Variants in COL12A1 observed in about 807,000 individuals in gnomAD.
The protein encoded by COL12A1 is collagen alpha-1(XII) chain.
Under a neutral mutation model 349.7 loss-of-function variants are expected in COL12A1, and 114 were observed. That is an observed-to-expected ratio of 0.33 (90% CI 0.28 to 0.38). The LOEUF (loss-of-function observed/expected upper bound fraction) is 0.38. Ranked by LOEUF, COL12A1 falls within the 10% of genes least tolerant of loss-of-function variation. COL12A1 has a pLI of 1.00. For synonymous variants in COL12A1, 1,369 were observed against 1,329.0 expected (o/e 1.03, Z -0.66); for missense variants, 3,284 against 3,756.9 (o/e 0.87, Z 3.29).
At chr6:75,136,715 C>CA (rs1352696361) in intron 31 of COL12A1, among the ~76,000 whole-genome samples, 5 of 152,160 alleles carry the variant, frequency 3.3e-5, no homozygotes, top group Admixed American at 2.0e-4. Flanking sequence ...ATGTAAAAAT[C>CA]ATGAGGCTTC....
rs777425494 is a variant in COL12A1, at chr6:75,087,650, T to C, written c.9108A>G (p.Gly3036=). 2.5e-6 allele frequency: 4 copies of C among 1,610,472 alleles called. No individual in the cohort carries two copies. The highest frequency in any genetic ancestry group is 3.4e-5 in the Admixed American group (2 of 59,108). ...PGRPGNSGIR[G]PPGPPGYCDS... is the part of the protein sequence containing the mutation. ...CACAGTATCCAGGAGGACCTGGGGG[T>C]CCTCGGATACCTGAGTTTCCAGGAC... Residue 3036 remains glycine (G), a synonymous_variant, in exon 65 of 66, where the codon GGA becomes GGG. Transcript: ENST00000322507.
rs201343487 is a variant in COL12A1, at chr6:75,194,903, T to C, written c.118A>G (p.Thr40Ala). Residue 40 changes from threonine (T) to alanine (A), a missense_variant, in exon 3 of 66, where the codon ACT becomes GCT. Around this residue, in one of 2 missense-constraint regions of COL12A1, gnomAD observed 2,601 missense variants for 2,824.8 expected, o/e 0.92. Transcript: ENST00000322507. ...GGTTTTGCCCATGACATATGAACAG[T>C]ATTTTCATCTATAATTTTAAAATTC... ...DLNFKIIDEN[T>A]VHMSWAKPVD... The C allele has an allele frequency of 2.7e-5, 44 of 1,609,754 alleles. No individual in the cohort carries two copies. In the Admixed American group the frequency reaches 7.4e-4, roughly 27 times the overall value.
Position 75,087,690 on chromosome 6 carries a change from G to C in COL12A1, c.9068C>G (p.Pro3023Arg). ...GTTTCCAGGACGGCCAGGGGGGCCA[G>C]GGGGACCTCTTGAACCTGTGGACCC... Reference protein sequence around the residue: ...PPGSTGSRGPPGPPGRPGNSG... With the variant: ...PPGSTGSRGPRGPPGRPGNSG... Residue 3023 changes from proline to arginine, a missense_variant, in exon 65 of 66, where the codon CCT becomes CGT. By Grantham distance (103) the Pro-to-Arg change is moderately radical. This residue lies in a region of COL12A1 where 683 missense variants were observed against 932.1 expected (regional missense o/e 0.73). Coordinates refer to ENST00000322507, the MANE Select transcript of COL12A1 (RefSeq NM_004370.6). The C allele has an allele frequency of 6.2e-7, 1 of 1,610,290 alleles. No individual in the cohort carries two copies. Among genetic ancestry groups the C allele is most frequent in the Non-Finnish European group, 8.5e-7 (1 of 1,178,816 alleles).
intron 20 of COL12A1, 82 bp downstream of exon 20, chr6:75,151,785 T>C: frequency 7.3e-7 from 1 of 1,365,370 alleles, no homozygotes; most frequent in Non-Finnish European, 9.9e-7. Flanking sequence ...TTTTTCATGC[T>C]TCAGATAAAA....
At chr6:75,166,136 TG>T (rs1327556652) in intron 13 of COL12A1, among the ~76,000 whole-genome samples, 1 of 152,206 alleles carries the variant, frequency 6.6e-6, no homozygotes, top group African/African-American at 2.4e-5. Context: ...ATCACATTTT[TG>T]TCTGCCTTGT....
chr6:75,196,655 C>T (rs965575228), intron 2 of COL12A1, among the ~76,000 whole-genome samples: 1 of 152,114 alleles, frequency 6.6e-6, no homozygotes, highest in African/African-American at 2.4e-5. Flanking sequence ...AACATGCATG[C>T]AACAGATGTT....
rs1769811477 is a variant in COL12A1 at position 75,189,482 on chromosome 6, C to T, written c.658+70G>A. 14 of 1,576,646 alleles carry T rather than the reference C, an allele frequency of 8.9e-6. No individual in the cohort carries two copies. In the South Asian group the frequency reaches 1.5e-4, roughly 17 times the overall value. ...TCAAAAATATTTAATATGTAATAGG[C>T]AATGCATCATTTCTTTCTGAAACAG... On this transcript the variant is annotated intron_variant, in intron 6 of 65. Coordinates refer to ENST00000322507, the MANE Select transcript of COL12A1 (RefSeq NM_004370.6).
Position 75,128,389 on chromosome 6 carries a change from G to A in COL12A1, c.6247C>T (p.Gln2083Ter). 2 of 1,608,092 alleles carry A rather than the reference G, an allele frequency of 1.2e-6. No homozygotes were observed. Among genetic ancestry groups the A allele is most frequent in the African/African-American group, 1.3e-5 (1 of 74,754 alleles). ...VPGRRNNVIL[Q>*]PLQPDTPYKI... Reference sequence around the variant, plus strand: ...TATGGAGTGTCAGGTTGCAGGGGCTGCAGTATTACATTGTTTCTTCTGCCT... The same window carrying A: ...TATGGAGTGTCAGGTTGCAGGGGCTACAGTATTACATTGTTTCTTCTGCCT... Residue 2083 changes from glutamine to a stop codon, truncating the protein, a stop_gained, in exon 38 of 66, where the codon CAG (glutamine) becomes TAG (stop). Transcript: ENST00000322507. LOFTEE classifies it high-confidence loss of function.
At chr6:75,121,780 A>G (rs1353642136) in intron 43 of COL12A1, among the ~76,000 whole-genome samples, 1 of 152,254 alleles carries the variant, frequency 6.6e-6, no homozygotes, top group Non-Finnish European at 1.5e-5. Flanking sequence ...TTTGAACAAT[A>G]AATGAGAGGA....
intron 39 of COL12A1, 108 bp downstream of exon 39, chr6:75,126,243 T>C (rs1766007635): frequency 4.7e-6 from 6 of 1,274,960 alleles, no homozygotes; most frequent in Non-Finnish European, 6.3e-6. Flanking sequence ...AAACTTGGTG[T>C]GATCTGAACT....
rs958792637 is a variant in COL12A1 at position 75,173,956 on chromosome 6, C to A, written c.2710+1082G>T. ...AGCTATTGCTGATAGTCCATGTAGG[C>A]CCCCAGTTATAGGACTGAGTCAACA... On this transcript the variant is annotated intron_variant, in intron 13 of 65. Transcript: ENST00000322507. Among the ~76,000 whole-genome samples, 2 of 152,104 alleles carry A rather than the reference C, an allele frequency of 1.3e-5. 1 individual carries two copies. The highest frequency in any genetic ancestry group is 4.1e-4 in the South Asian group (2 of 4,830).
chr6:75,097,428 G>A, intron 58 of COL12A1, 122 bp from the exon 59 acceptor site: 2 of 597,012 alleles, frequency 3.4e-6, no homozygotes, highest in East Asian at 5.8e-5. Context: ...ATGCTGTTTG[G>A]GAGGTAAGCT....
Position 75,145,381 on chromosome 6 carries a change from G to C in COL12A1, c.4635C>G (p.Val1545=), listed in dbSNP as rs554010063. 1.5e-5 allele frequency: 25 copies of C among 1,613,920 alleles called. No individual in the cohort carries two copies. The highest frequency in any genetic ancestry group is 2.1e-5 in the Non-Finnish European group (25 of 1,179,860). The change falls in exon 25 of 66, where the codon GTC becomes GTG. Residue 1545 remains valine, a synonymous_variant. Transcript: ENST00000322507. ...LVPNTEYAVT[V]QAVLHDLTSE... is the part of the protein sequence containing the mutation. ...TAGTGAGGTCGTGCAGGACAGCCTG[G>C]ACTGTGACTGCATACTCCGTGTTGG...
intron 43 of COL12A1, among the ~76,000 whole-genome samples, chr6:75,121,651 A>G (rs1182327815): frequency 2.0e-5 from 3 of 152,194 alleles, no homozygotes; most frequent in Non-Finnish European, 4.4e-5. Flanking sequence ...GATGACTCAC[A>G]TGCACAATAA....
rs1769058668 is a variant in COL12A1, at chr6:75,116,021, G to A, written c.7556C>T (p.Pro2519Leu). ...TGCCCCAAAGTATAAATGCTTACCT[G>A]GTGAGGTGTAGCCATCCAAATAAAT... ...PLIYLDGYTSPGFKMLEAYNL... is the reference protein window; with the variant it reads ...PLIYLDGYTSLGFKMLEAYNL... Residue 2519 changes from proline (P) to leucine (L), a missense_variant and splice_region_variant, in exon 48 of 66, where the codon CCA becomes CTA. Pro to Leu is a moderately conservative substitution (Grantham distance 98, BLOSUM62 -3). Coordinates refer to ENST00000322507, the MANE Select transcript of COL12A1 (RefSeq NM_004370.6). The A allele has an allele frequency of 6.2e-7, 1 of 1,613,360 alleles. No individual in the cohort carries two copies. The highest frequency in any genetic ancestry group is 1.3e-5 in the African/African-American group (1 of 74,942).
rs1562217717 is a variant in COL12A1 at position 75,145,424 on chromosome 6, T to A, written c.4592A>T (p.Gln1531Leu). ...CGTGTTGGGAACAAGGTCAGTCAGCTGCATGTCATTCACTGTTGGCCCCAA... is the reference window on the plus strand; with the variant it reads ...CGTGTTGGGAACAAGGTCAGTCAGCAGCATGTCATTCACTGTTGGCCCCAA... Reference protein sequence around the residue: ...VRLGPTVNDMQLTDLVPNTEY... With the variant: ...VRLGPTVNDMLLTDLVPNTEY... The change falls in exon 25 of 66, where the codon CAG (glutamine) becomes CTG (leucine). Residue 1531 changes from glutamine (Q) to leucine (L), a missense_variant. Coordinates refer to ENST00000322507, the MANE Select transcript of COL12A1 (RefSeq NM_004370.6). 1.2e-6 allele frequency: 2 copies of A among 1,614,052 alleles called. No homozygotes were observed. Among genetic ancestry groups the A allele is most frequent in the East Asian group, 4.5e-5 (2 of 44,874 alleles).
chr6:75,174,428 C>T (rs914969853), intron 13 of COL12A1, among the ~76,000 whole-genome samples: 1 of 152,028 alleles, frequency 6.6e-6, no homozygotes, highest in Non-Finnish European at 1.5e-5. Context: ...TGGTGGCGGG[C>T]GCCTGTAGTC....
chr6:75,090,852 A>T lies in COL12A1; in HGVS notation c.8752+471T>A, dbSNP rs1431677635. On this transcript the variant is annotated intron_variant, in intron 62 of 65. Coordinates refer to ENST00000322507, the MANE Select transcript of COL12A1 (RefSeq NM_004370.6). The surrounding 1 kb of genome is among the most constrained non-coding windows in gnomAD (Gnocchi z 4.1). The stretch of plus-strand genomic sequence containing the variant: ...TCCTCAGTACCGCACTTTGGAAAAC[A>T]TTGATTAAGACTTCTCTAAGAGTGA... 6.6e-6 allele frequency among the ~76,000 whole-genome samples: 1 copy of T among 152,204 alleles called. No individual in the cohort carries two copies. The highest frequency in any genetic ancestry group is 1.5e-5 in the Non-Finnish European group (1 of 68,040).
chr6:75,128,226 G>A, intron 38 of COL12A1, 70 bp downstream of exon 38: 5 of 1,355,674 alleles, frequency 3.7e-6, no homozygotes, highest in Non-Finnish European at 4.8e-6. Flanking sequence ...GGTTTTAAAA[G>A]GTATAAAAGC....
Sources: gnomAD v4.1 joint callset for allele counts (sites outside exome capture counted in the v4.1 genomes callset) on GRCh38, gnomAD v4.1.1 for gene constraint, gnomAD v4.1.1 regional missense constraint, Gnocchi (gnomAD v3.1) non-coding constraint, MANE v1.5 for transcripts, NCBI Gene and HGNC (gene_info 2026-07-23, HGNC 2026-07-21) for gene names.